Variants in CEP295 observed in about 807,000 individuals in gnomAD.
CEP295 encodes the protein centrosomal protein 295.
In CEP295, 190 loss-of-function variants were observed where a neutral mutation model predicts 291.6. The observed-to-expected ratio is 0.65, with a 90% CI of 0.58 to 0.73. CEP295 has a LOEUF of 0.73. Ranked by LOEUF, CEP295 falls within the 30% of genes least tolerant of loss-of-function variation. The pLI is 0.00. For synonymous variants in CEP295, 993 were observed against 1,038.8 expected (o/e 0.96, Z 0.85); for missense variants, 2,863 against 2,949.4 (o/e 0.97, Z 0.68).
At chr11:93,676,766 A>G (rs776923134) in intron 6 of CEP295, among the ~76,000 whole-genome samples, 9 of 151,950 alleles carry the variant, frequency 5.9e-5, no homozygotes, top group Admixed American at 2.0e-4. Flanking sequence ...TTTTTTACCT[A>G]ACTCTGTCAG....
At chr11:93,712,984 G>C (rs1210722202) in intron 18 of CEP295, among the ~76,000 whole-genome samples, 1 of 150,040 alleles carries the variant, frequency 6.7e-6, no homozygotes, top group African/African-American at 2.4e-5. Context: ...TAAATTTGAG[G>C]TTACCCTGAA....
intron 21 of CEP295, 167 bp from the exon 22 acceptor site, chr11:93,724,087 C>G: frequency 1.7e-6 from 1 of 591,436 alleles, no homozygotes. Context: ...AACTTTAAAG[C>G]ATCTGCTGAT....
intron 22 of CEP295, among the ~76,000 whole-genome samples, chr11:93,724,914 A>G (rs755773853): frequency 1.3e-5 from 2 of 152,294 alleles, no homozygotes; most frequent in African/African-American, 4.8e-5. Flanking sequence ...TATTATTATT[A>G]TTTTTTAAGC....
intron 18 of CEP295, among the ~76,000 whole-genome samples, chr11:93,707,765 A>G (rs981646342): frequency 5.3e-5 from 8 of 152,178 alleles, no homozygotes; most frequent in African/African-American, 1.9e-4. Flanking sequence ...TGAAAAAAAA[A>G]AAGAAGAAGT....
chr11:93,706,501 G>A (rs958529042), intron 17 of CEP295, among the ~76,000 whole-genome samples: 10 of 152,068 alleles, frequency 6.6e-5, no homozygotes, highest in Non-Finnish European at 1.2e-4. Flanking sequence ...AATTCTCCAC[G>A]AATTTTCTTT....
At chr11:93,700,293 C>T in intron 15 of CEP295, 107 bp downstream of exon 15, 1 of 993,512 alleles carries the variant, frequency 1.0e-6, no homozygotes, top group Non-Finnish European at 1.5e-6. Context: ...GTAGTTTGAC[C>T]TTAACTGTGC....
Position 93,727,573 on chromosome 11 carries a change from TAGG to T in CEP295, c.7100_7102del (p.Gly2367del), listed in dbSNP as rs1039970004. The stretch of plus-strand genomic sequence containing the variant: ...AAAATCACCAAAAAACTATCTCAAC[TAGG>T]AGAATCAGAGCTTTTTGCAAGTTCT... On this transcript the variant is annotated inframe_deletion, in exon 24 of 30. Transcript: ENST00000325212. 2 of 1,551,194 alleles carry T rather than the reference TAGG, an allele frequency of 1.3e-6. No homozygotes were observed. Among genetic ancestry groups the T allele is most frequent in the East Asian group, 2.4e-5 (1 of 40,892 alleles).
At chr11:93,669,830 G>A in intron 5 of CEP295, 60 bp downstream of exon 5, 1 of 1,113,840 alleles carries the variant, frequency 9.0e-7, no homozygotes, top group Non-Finnish European at 1.3e-6. Flanking sequence ...ATAATTCAGT[G>A]GAGGTCAGAA....
At chr11:93,676,385 T>C (rs1309326339) in intron 6 of CEP295, among the ~76,000 whole-genome samples, 1 of 152,048 alleles carries the variant, frequency 6.6e-6, no homozygotes, top group Non-Finnish European at 1.5e-5. Context: ...TATATTGTTA[T>C]TATAATTGCT....
chr11:93,711,516 GTT>G (rs1165754456), intron 18 of CEP295, among the ~76,000 whole-genome samples: 8 of 151,776 alleles, frequency 5.3e-5, no homozygotes, highest in African/African-American at 1.9e-4. Flanking sequence ...TTTTGTTTTT[GTT>G]TTGAGACAGA....
chr11:93,676,378 ATTG>A (rs527857072), intron 6 of CEP295, among the ~76,000 whole-genome samples: 5 of 151,946 alleles, frequency 3.3e-5, no homozygotes, highest in Admixed American at 1.3e-4. Context: ...CAAATGATAT[ATTG>A]TTATTATAAT....
chr11:93,724,847 G>T (rs918497605), intron 22 of CEP295, among the ~76,000 whole-genome samples: 1 of 152,064 alleles, frequency 6.6e-6, no homozygotes, highest in Non-Finnish European at 1.5e-5. Flanking sequence ...CTATTGTCCA[G>T]ACTACACCCT....
At chr11:93,694,067 A>G (rs1438124585) in intron 12 of CEP295, among the ~76,000 whole-genome samples, 2 of 152,224 alleles carry the variant, frequency 1.3e-5, no homozygotes, top group East Asian at 3.8e-4. Context: ...AAGGAAGAGG[A>G]ACTGTCTGGG....
chr11:93,691,307 C>G (rs938489172), intron 10 of CEP295, among the ~76,000 whole-genome samples: 2 of 152,194 alleles, frequency 1.3e-5, no homozygotes, highest in African/African-American at 4.8e-5. Context: ...TCTGGTTTCA[C>G]AAATTATTTT....
rs80013580 is a variant in CEP295 at position 93,666,779 on chromosome 11, A to G, written c.72A>G (p.Glu24=). The part of the protein sequence containing the change: ...SPNEEAFILK[E]DYERRRKLRL... Reference sequence around the variant, plus strand: ...ATGAGGAAGCCTTCATTTTGAAGGAAGATTATGAAAGAAGGCGAAAACTAA... The same window carrying G: ...ATGAGGAAGCCTTCATTTTGAAGGAGGATTATGAAAGAAGGCGAAAACTAA... Residue 24 remains glutamate (E), a synonymous_variant, in exon 2 of 30, where the codon GAA becomes GAG. Coordinates refer to ENST00000325212, the MANE Select transcript of CEP295 (RefSeq NM_033395.2). 384 of 1,548,162 alleles carry G rather than the reference A, an allele frequency of 2.5e-4. 1 individual carries two copies. In the African/African-American group the frequency reaches 4.4e-3, roughly 18 times the overall value.
At chr11:93,700,774 C>T (rs1054417671) in intron 15 of CEP295, among the ~76,000 whole-genome samples, 1 of 152,148 alleles carries the variant, frequency 6.6e-6, no homozygotes, top group African/African-American at 2.4e-5. Context: ...GTATTTTAAG[C>T]TTACCATAAG....
chr11:93,694,725 A>G (rs1487143685), intron 12 of CEP295, among the ~76,000 whole-genome samples: 3 of 152,264 alleles, frequency 2.0e-5, no homozygotes, highest in African/African-American at 4.8e-5. Context: ...AGAGTAGGAC[A>G]GTGCAAGATT....
In CEP295 at chr11:93,697,073, A is replaced by C. The variant is rs1224002211; in HGVS notation, c.2161A>C (p.Arg721=). The C allele has an allele frequency of 6.4e-7, 1 of 1,551,696 alleles. No homozygotes were observed. Among genetic ancestry groups the C allele is most frequent in the Non-Finnish European group, 8.7e-7 (1 of 1,147,004 alleles). ...ATTCTCTCAGACTGAAACACAACAG[A>C]GAGACTATAAATTGGTCCCCAAAGA... The part of the protein sequence containing the change: ...RQFSQTETQQ[R]DYKLVPKDSE... Residue 721 remains arginine (R), a synonymous_variant, in exon 15 of 30, where the codon AGA becomes CGA. Coordinates refer to ENST00000325212, the MANE Select transcript of CEP295 (RefSeq NM_033395.2).
In CEP295 at chr11:93,728,682, A is replaced by AT; in HGVS notation, c.7163_7164insT (p.Glu2388AspfsTer21). 1 of 1,530,878 alleles carries AT rather than the reference A, an allele frequency of 6.5e-7. No homozygotes were observed. The highest frequency in any genetic ancestry group is 8.8e-7 in the Non-Finnish European group (1 of 1,140,834). 94.8% of individuals were successfully genotyped at this position (1,530,878 alleles called of 1,614,324 possible). On this transcript the variant is annotated frameshift_variant and splice_region_variant, in exon 25 of 30. Transcript: ENST00000325212. LOFTEE classifies it high-confidence loss of function. ...TTTCCTTTTAATTGTGGTTCACAGG[A>AT]AACAGAAACTGGCCATGGTATAATG...
Sources: gnomAD v4.1 joint callset for allele counts (sites outside exome capture counted in the v4.1 genomes callset) on GRCh38, gnomAD v4.1.1 for gene constraint, MANE v1.5 for transcripts, NCBI Gene and HGNC (gene_info 2026-07-23, HGNC 2026-07-21) for gene names.